GPR183: variants seen among roughly 807,000 people sequenced by gnomAD.
GPR183 encodes EBV-induced G-protein coupled receptor 2.
A neutral mutation model predicts 19.7 loss-of-function variants in GPR183; 9 were observed. That is an observed-to-expected ratio of 0.46 (90% confidence interval 0.28 to 0.80). GPR183 has a LOEUF of 0.80. Ranked by LOEUF, GPR183 falls within the 30% of genes least tolerant of loss-of-function variation. GPR183 has a pLI of 0.13. For synonymous variants in GPR183, 160 were observed against 155.1 expected, an observed-to-expected ratio of 1.03 and a Z score of -0.24; for missense variants, 368 against 446.7, an observed-to-expected ratio of 0.82 and a Z score of 1.59.
intron 1 of GPR183, among the ~76,000 whole-genome samples, chr13:99,297,564 T>C (rs2044195305): frequency 1.3e-5 from 2 of 152,260 alleles, no homozygotes; most frequent in South Asian, 4.1e-4. Flanking sequence ...GGTCATGTTA[T>C]GTTAGAGGTA....
intron 1 of GPR183, among the ~76,000 whole-genome samples, chr13:99,299,880 A>G (rs1407352733): frequency 1.3e-5 from 2 of 152,124 alleles, no homozygotes; most frequent in Non-Finnish European, 2.9e-5. Flanking sequence ...AAAAAATTGG[A>G]GTGGTTCTTA....
intron 1 of GPR183, among the ~76,000 whole-genome samples, chr13:99,306,127 C>G (rs947033496): frequency 1.1e-4 from 17 of 152,262 alleles, no homozygotes; most frequent in African/African-American, 3.4e-4. Flanking sequence ...AACTCCTGAT[C>G]TCAGGTGATC....
At chr13:99,298,839 T>C (rs753448119) in intron 1 of GPR183, among the ~76,000 whole-genome samples, 2 of 152,184 alleles carry the variant, frequency 1.3e-5, no homozygotes, top group African/African-American at 2.4e-5. Context: ...AGGTGAAAAT[T>C]CCAGGCAAGG....
chr13:99,304,836 T>G (rs1044989527), intron 1 of GPR183, among the ~76,000 whole-genome samples: 5 of 152,194 alleles, frequency 3.3e-5, no homozygotes, highest in African/African-American at 1.2e-4. Context: ...ACAATACATT[T>G]TATCTCCTAT....
chr13:99,302,758 G>A (rs897256240), intron 1 of GPR183, among the ~76,000 whole-genome samples: 4 of 152,140 alleles, frequency 2.6e-5, no homozygotes, highest in African/African-American at 4.8e-5. Context: ...GAGCCTCCTG[G>A]TGCTTCATTA....
intron 1 of GPR183, among the ~76,000 whole-genome samples, chr13:99,306,051 G>T (rs773388616): frequency 6.6e-6 from 1 of 151,988 alleles, no homozygotes; most frequent in Non-Finnish European, 1.5e-5. Flanking sequence ...GAGTGCCACC[G>T]TGCCTGGCTA....
At chr13:99,299,786 T>TA (rs1205134241) in intron 1 of GPR183, among the ~76,000 whole-genome samples, 7 of 152,204 alleles carry the variant, frequency 4.6e-5, no homozygotes, top group African/African-American at 1.7e-4. Context: ...ACAGCAGCCC[T>TA]ATGAGCTTGA....
At position 99,303,484 on chromosome 13, in the gene GPR183, A is replaced by G. The variant is rs191015710; in HGVS notation, c.-19+3856T>C. Among the ~76,000 whole-genome samples the G allele has an allele frequency of 2.4e-4, 37 of 152,360 alleles. No individual in the cohort carries two copies. In the East Asian group the frequency reaches 5.6e-3, roughly 23 times the overall value. ...TTTGGTGGCTTTTATATTGAAAAGT[A>G]TGGAAGTTATTGAAGATGAAGATGA... On this transcript the variant is annotated intron_variant, in intron 1 of 1. Transcript: ENST00000376414.
rs1408216084 is a variant in GPR183 at position 99,295,035 on chromosome 13, A to G, written c.*25T>C. On this transcript the variant is annotated 3_prime_UTR_variant, in exon 2 of 2. Coordinates refer to ENST00000376414, the MANE Select transcript of GPR183 (RefSeq NM_004951.5). This position sits in a 1 kb window ranked among gnomAD's most constrained non-coding sequence, Gnocchi z 4.1. ...CAAAGTTTGTCATACAGTTTACGTC[A>G]CTATAAACCAAAATACAATCCATTT... The G allele has an allele frequency of 1.9e-5, 30 of 1,595,834 alleles. No individual in the cohort carries two copies. The highest frequency in any genetic ancestry group is 2.4e-5 in the Non-Finnish European group (28 of 1,171,028).
In GPR183 at chr13:99,295,322, G is replaced by C. The variant is rs1409104300; in HGVS notation, c.824C>G (p.Ser275Cys). Reference sequence around the variant, plus strand: ...TCTTTGGCTACATTCCAGGAAATTAGAGAAACGAAGCTTCTTAATCATATG... The same window carrying C: ...TCTTTGGCTACATTCCAGGAAATTACAGAAACGAAGCTTCTTAATCATATG... The part of the protein sequence containing the change: ...IQHMIKKLRF[S>C]NFLECSQRHS... Residue 275 changes from serine to cysteine, a missense_variant, in exon 2 of 2, where the codon TCT becomes TGT. Transcript: ENST00000376414. This position sits in a 1 kb window ranked among gnomAD's most constrained non-coding sequence, Gnocchi z 4.1. The C allele has an allele frequency of 1.2e-6, 2 of 1,614,098 alleles. No individual in the cohort carries two copies. Among genetic ancestry groups the C allele is most frequent in the South Asian group, 1.1e-5 (1 of 91,064 alleles).
In GPR183 at chr13:99,295,387, A is replaced by C; in HGVS notation, c.759T>G (p.Phe253Leu). Residue 253 changes from phenylalanine (F) to leucine (L), a missense_variant, in exon 2 of 2, where the codon TTT becomes TTG. Phe to Leu is a conservative substitution (Grantham distance 22). Transcript: ENST00000376414. The surrounding 1 kb of genome is among the most constrained non-coding windows in gnomAD (Gnocchi z 4.1). ...CATGGTAAGGTGTGAAACAGAGAAC[A>C]AACACAACAATAATAAGAATAATTG... is the stretch of plus-strand genomic sequence containing the variant. The part of the protein sequence containing the change: ...LNTIILIIVV[F>L]VLCFTPYHVA... The C allele has an allele frequency of 6.2e-7, 1 of 1,614,164 alleles. No individual in the cohort carries two copies. The highest frequency in any genetic ancestry group is 8.5e-7 in the Non-Finnish European group (1 of 1,179,996).
chr13:99,306,688 A>G (rs1267057186), intron 1 of GPR183, among the ~76,000 whole-genome samples: 1 of 152,218 alleles, frequency 6.6e-6, no homozygotes, highest in Admixed American at 6.5e-5. Context: ...CCTCAGGCAC[A>G]TAGAAAAGAT....
chr13:99,297,952 GA>G (rs78987394), intron 1 of GPR183, among the ~76,000 whole-genome samples: 2 of 151,958 alleles, frequency 1.3e-5, no homozygotes, highest in East Asian at 3.9e-4. Context: ...ATTAACATCA[GA>G]AAAAATAGAA....
intron 1 of GPR183, among the ~76,000 whole-genome samples, chr13:99,303,541 C>T (rs958089886): frequency 2.6e-5 from 4 of 152,106 alleles, no homozygotes; most frequent in African/African-American, 9.7e-5. Flanking sequence ...AACTAAGAAT[C>T]CCACCATAAT....
Position 99,294,953 on chromosome 13 carries a change from A to G in GPR183, c.*107T>C, listed in dbSNP as rs1177757201. 8 of 1,302,070 alleles carry G rather than the reference A, an allele frequency of 6.1e-6. No individual in the cohort carries two copies. The highest frequency in any genetic ancestry group is 4.7e-5 in the East Asian group (2 of 42,408). 80.7% of individuals were successfully genotyped at this position (1,302,070 alleles called of 1,614,324 possible). ...TGGGAAAGTGCCCAATGAAAGAAAT[A>G]TAAAAGAATACTAATTGGAAGCTGA... On this transcript the variant is annotated 3_prime_UTR_variant, in exon 2 of 2. Transcript: ENST00000376414.
chr13:99,302,722 C>T lies in GPR183; in HGVS notation c.-19+4618G>A, dbSNP rs373246421. ...TGGTGTGCAAGAGGAACCTGCACTG[C>T]TGTGGAGCTGTGACCAGCATAGTCA... On this transcript the variant is annotated intron_variant, in intron 1 of 1. Transcript: ENST00000376414. Among the ~76,000 whole-genome samples the T allele has an allele frequency of 1.4e-3, 208 of 152,318 alleles. 2 individuals are homozygous for T. The highest frequency in any genetic ancestry group is 4.9e-3 in the African/African-American group (203 of 41,574).
chr13:99,296,973 C>T (rs1414289844), intron 1 of GPR183, among the ~76,000 whole-genome samples: 1 of 152,142 alleles, frequency 6.6e-6, no homozygotes, highest in Non-Finnish European at 1.5e-5. Flanking sequence ...TTGTTTCTTG[C>T]TTTATTCACC....
Position 99,295,978 on chromosome 13 carries a change from A to G in GPR183, c.168T>C (p.Ile56=), listed in dbSNP as rs768694635. Residue 56 remains isoleucine (I), a synonymous_variant, in exon 2 of 2, where the codon ATT becomes ATC. Transcript: ENST00000376414. The surrounding 1 kb of genome is among the most constrained non-coding windows in gnomAD (Gnocchi z 4.1). ...AGTTGATTTTTTTCCTGTTTTGAAC[A>G]ATGACGACCAAGGCTAGTAAGTTTC... ...LVGNLLALVV[I]VQNRKKINST... 1.2e-6 allele frequency: 2 copies of G among 1,614,206 alleles called. No homozygotes were observed. The highest frequency in any genetic ancestry group is 1.7e-5 in the Admixed American group (1 of 60,026).
At position 99,295,983 on chromosome 13, in the gene GPR183, C is replaced by T. The variant is rs1386507321; in HGVS notation, c.163G>A (p.Val55Ile). The change falls in exon 2 of 2, where the codon GTC (valine) becomes ATC (isoleucine). Residue 55 changes from valine (V) to isoleucine (I), a missense_variant. Transcript: ENST00000376414. The surrounding 1 kb of genome is among the most constrained non-coding windows in gnomAD (Gnocchi z 4.1). Reference protein sequence around the residue: ...GLVGNLLALVVIVQNRKKINS... With the variant: ...GLVGNLLALVIIVQNRKKINS... Reference sequence around the variant, plus strand: ...ATTTTTTTCCTGTTTTGAACAATGACGACCAAGGCTAGTAAGTTTCCCACG... The same window carrying T: ...ATTTTTTTCCTGTTTTGAACAATGATGACCAAGGCTAGTAAGTTTCCCACG... The T allele has an allele frequency of 2.5e-6, 4 of 1,613,552 alleles. No homozygotes were observed. Among genetic ancestry groups the T allele is most frequent in the Non-Finnish European group, 3.4e-6 (4 of 1,179,800 alleles).
Sources: gnomAD v4.1 joint callset for allele counts (sites outside exome capture counted in the v4.1 genomes callset) on GRCh38, gnomAD v4.1.1 for gene constraint, Gnocchi (gnomAD v3.1) non-coding constraint, MANE v1.5 for transcripts, NCBI Gene and HGNC (gene_info 2026-07-23, HGNC 2026-07-21) for gene names.